The following CTCF variants were observed in gnomAD, a reference collection of about 807,000 sequenced individuals.
CTCF encodes the protein CCCTC-binding factor.
In CTCF, 7 loss-of-function variants were observed where a neutral mutation model predicts 72.3. The ratio of observed to expected loss-of-function variants is 0.10; its 90% CI spans 0.06 to 0.18. The LOEUF is 0.18. CTCF is among the 10% of genes least tolerant of loss of function. The pLI, the probability that CTCF is intolerant of heterozygous loss-of-function variation, is 1.00. For missense variants in CTCF, 516 were observed against 949.1 expected (o/e 0.54, Z 6.00); for synonymous variants, 374 against 315.8 (o/e 1.18, Z -1.95).
intron 2 of CTCF, among the ~76,000 whole-genome samples, chr16:67,586,894 T>TG (rs1349993574): frequency 6.6e-6 from 1 of 151,924 alleles, no homozygotes; most frequent in Non-Finnish European, 1.5e-5. Context: ...CCTGGGCGCC[T>TG]GCAATCCTCC....
At chr16:67,613,990 T>C (rs189701669) in intron 4 of CTCF, among the ~76,000 whole-genome samples, 6 of 151,800 alleles carry the variant, frequency 4.0e-5, no homozygotes, top group Non-Finnish European at 7.4e-5. Flanking sequence ...TGGTGAGGAG[T>C]ATACCTTTTC....
intron 10 of CTCF, among the ~76,000 whole-genome samples, chr16:67,634,920 C>G (rs941370057): frequency 1.3e-5 from 2 of 152,108 alleles, no homozygotes; most frequent in African/African-American, 2.4e-5. Context: ...CCAGGCTTGT[C>G]TCGAACTCCT....
intron 11 of CTCF, among the ~76,000 whole-genome samples, chr16:67,637,091 T>C (rs1438335726): frequency 6.6e-6 from 1 of 152,232 alleles, no homozygotes; most frequent in East Asian, 1.9e-4. Flanking sequence ...ACTTGTGTTC[T>C]GCAAGATGGG....
chr16:67,565,010 T>A (rs2051323529), intron 1 of CTCF, among the ~76,000 whole-genome samples: 1 of 152,136 alleles, frequency 6.6e-6, no homozygotes. Flanking sequence ...CAGACCTTTT[T>A]TTTTTTTTGA....
At chr16:67,615,271 G>C (rs571541092) in intron 4 of CTCF, 2 of 152,362 alleles carry the variant, frequency 1.3e-5, no homozygotes, top group East Asian at 1.9e-4. Context: ...GCCTTTCTCT[G>C]CCCTGGATAG....
Position 67,638,094 on chromosome 16 carries a change from GT to G in CTCF, c.*225del. 1 of 528,412 alleles carries G rather than the reference GT, an allele frequency of 1.9e-6. No individual in the cohort carries two copies. The highest frequency in any genetic ancestry group is 5.1e-4 in the Middle Eastern group (1 of 1,978). 32.7% of individuals were successfully genotyped at this position (528,412 alleles called of 1,614,324 possible). Reference sequence around the variant, plus strand: ...CATGGAATGTTCTGAGTCCCTGAGGGTTTACTGTGAAGTGCTGAGGACAGTG... The same window carrying G: ...CATGGAATGTTCTGAGTCCCTGAGGGTTACTGTGAAGTGCTGAGGACAGTG... On this transcript the variant is annotated 3_prime_UTR_variant, in exon 12 of 12. Transcript: ENST00000264010.
intron 7 of CTCF, among the ~76,000 whole-genome samples, chr16:67,625,477 G>A (rs2052270814): frequency 1.3e-5 from 2 of 152,224 alleles, no homozygotes; most frequent in South Asian, 2.1e-4. Flanking sequence ...TAGGATTACA[G>A]GCGTGAGCCA....
intron 6 of CTCF, 82 bp downstream of exon 6, chr16:67,620,899 C>G (rs1221843120): frequency 3.3e-5 from 39 of 1,186,374 alleles, no homozygotes; most frequent in Non-Finnish European, 3.9e-5. Flanking sequence ...CTGTGTGTCC[C>G]CATTGTTTAT....
chr16:67,570,455 G>GT (rs560197054), intron 1 of CTCF, among the ~76,000 whole-genome samples: 275 of 120,644 alleles, frequency 2.3e-3, no homozygotes, highest in Middle Eastern at 6.3e-3. Flanking sequence ...GTTTTGTTTT[G>GT]TTTTTTTTTT....
At chr16:67,581,496 T>A (rs1234516211) in intron 2 of CTCF, among the ~76,000 whole-genome samples, 1 of 151,740 alleles carries the variant, frequency 6.6e-6, no homozygotes, top group Non-Finnish European at 1.5e-5. Context: ...CTTATTTTAT[T>A]TTATTTTTAT....
intron 2 of CTCF, among the ~76,000 whole-genome samples, chr16:67,580,341 C>T (rs893730388): frequency 1.3e-5 from 2 of 151,932 alleles, no homozygotes; most frequent in African/African-American, 4.8e-5. Context: ...TCCTGAGTAG[C>T]TAGGAGTGTA....
chr16:67,597,898 G>A (rs556335155), intron 2 of CTCF, among the ~76,000 whole-genome samples: 2 of 152,180 alleles, frequency 1.3e-5, no homozygotes, highest in South Asian at 2.1e-4. Context: ...TAATAGTGTC[G>A]CTACTTAGTG....
intron 2 of CTCF, among the ~76,000 whole-genome samples, chr16:67,603,704 A>T (rs2051929993): frequency 2.0e-5 from 3 of 151,892 alleles, no homozygotes; most frequent in Admixed American, 6.6e-5. Flanking sequence ...AGGAGCCTGT[A>T]GTCCCAGCTA....
At chr16:67,598,459 C>CAG (rs1185655079) in intron 2 of CTCF, among the ~76,000 whole-genome samples, 1 of 151,990 alleles carries the variant, frequency 6.6e-6, no homozygotes, top group African/African-American at 2.4e-5. Context: ...TTAGGAAAGA[C>CAG]AGATAATAAG....
intron 1 of CTCF, chr16:67,564,066 T>G (rs564433523): frequency 8.2e-4 from 125 of 152,320 alleles, no homozygotes; most frequent in African/African-American, 2.9e-3. Flanking sequence ...AAGTAAACAT[T>G]CGCATACGTA....
At chr16:67,574,923 C>G (rs1383592972) in intron 2 of CTCF, among the ~76,000 whole-genome samples, 1 of 152,028 alleles carries the variant, frequency 6.6e-6, no homozygotes, top group South Asian at 2.1e-4. Context: ...TCCCAAAGTG[C>G]TGGGATTACA....
intron 2 of CTCF, among the ~76,000 whole-genome samples, chr16:67,604,356 G>T (rs1354752859): frequency 6.6e-6 from 1 of 151,896 alleles, no homozygotes; most frequent in Non-Finnish European, 1.5e-5. Flanking sequence ...TTGTTTGTTT[G>T]TTTTTGAGAC....
Position 67,562,543 on chromosome 16 carries a change from C to T in CTCF, c.-308C>T. The T allele has an allele frequency of 6.6e-6, 1 of 152,036 alleles. No individual in the cohort carries two copies. The highest frequency in any genetic ancestry group is 1.5e-5 in the Non-Finnish European group (1 of 67,996). The allele number at this position is 152,036 out of a possible 1,614,324, so 9.4% of individuals were successfully genotyped here. On this transcript the variant is annotated 5_prime_UTR_variant, in exon 1 of 12. Transcript: ENST00000264010. Reference sequence around the variant, plus strand: ...GCAGCGCCGACGCAGGCGCACTGCACCGCGCCGCCGCCATTTTGTGTCTGA... The same window carrying T: ...GCAGCGCCGACGCAGGCGCACTGCATCGCGCCGCCGCCATTTTGTGTCTGA...
intron 2 of CTCF, among the ~76,000 whole-genome samples, chr16:67,591,551 G>A (rs143433945): frequency 1.5e-4 from 23 of 152,232 alleles, no homozygotes; most frequent in Non-Finnish European, 8.8e-5. Context: ...AGATGATGGC[G>A]TATATGTTTT....
Sources: gnomAD v4.1 joint callset for allele counts (sites outside exome capture counted in the v4.1 genomes callset) on GRCh38, gnomAD v4.1.1 for gene constraint, MANE v1.5 for transcripts, NCBI Gene and HGNC (gene_info 2026-07-23, HGNC 2026-07-21) for gene names.